DICER1: variants seen among roughly 807,000 people sequenced by gnomAD.
The protein encoded by DICER1 is endoribonuclease Dicer.
In DICER1, 43 loss-of-function variants were observed where a neutral mutation model predicts 194.1. That is an observed-to-expected ratio of 0.22 (90% CI 0.17 to 0.29). The LOEUF (loss-of-function observed/expected upper bound fraction) is 0.29, where lower values mean the gene tolerates loss of function less well. Ranked by LOEUF, DICER1 falls within the 10% of genes least tolerant of loss-of-function variation. The pLI is 1.00. For synonymous variants in DICER1, 832 were observed against 820.5 expected, an observed-to-expected ratio of 1.01 and a Z score of -0.24; for missense variants, 1,608 against 2,317.0, an observed-to-expected ratio of 0.69 and a Z score of 6.28.
At chr14:95,125,894 G>GA (rs1427304946) in intron 7 of DICER1, among the ~76,000 whole-genome samples, 2 of 151,784 alleles carry the variant, frequency 1.3e-5, no homozygotes, top group African/African-American at 4.8e-5. Flanking sequence ...AGGAAAGGAA[G>GA]AAAGAATGCA....
chr14:95,099,032 G>C (rs1365222094), intron 22 of DICER1, among the ~76,000 whole-genome samples: 1 of 152,172 alleles, frequency 6.6e-6, no homozygotes, highest in Non-Finnish European at 1.5e-5. Context: ...TAAAAATGAA[G>C]TAACAATGAG....
At chr14:95,095,730 T>C (rs1890244335) in intron 23 of DICER1, 95 bp downstream of exon 23, 7 of 1,305,008 alleles carry the variant, frequency 5.4e-6, no homozygotes, top group Admixed American at 1.9e-5. Flanking sequence ...GCATGAACAC[T>C]GTACATGCAT....
Position 95,105,241 on chromosome 14 carries a change from C to A in DICER1, c.3099G>T (p.Leu1033=), listed in dbSNP as rs768709390. The part of the protein sequence containing the change: ...KWESLQNKQI[L]VPELCAIHPI... The stretch of plus-strand genomic sequence containing the variant: ...GATGTATAGCACAGAGTTCTGGAAC[C>A]AGTATCTTCAAGTAAGGGGAAAAAT... The change falls in exon 20 of 27, where the codon CTG becomes CTT. Residue 1033 remains leucine (L), a synonymous_variant. Transcript: ENST00000343455. This position sits in a 1 kb window ranked among gnomAD's most constrained non-coding sequence, Gnocchi z 4.9. The A allele has an allele frequency of 7.4e-6, 12 of 1,612,908 alleles. No individual in the cohort carries two copies. The highest frequency in any genetic ancestry group is 9.3e-6 in the Non-Finnish European group (11 of 1,179,688).
At chr14:95,095,758 C>A in intron 23 of DICER1, 67 bp downstream of exon 23, 1 of 1,551,950 alleles carries the variant, frequency 6.4e-7, no homozygotes, top group Non-Finnish European at 8.8e-7. Context: ...TTTTACAAGG[C>A]CAACACGATG....
rs1224305767 is a variant in DICER1 at position 95,105,023 on chromosome 14, A to G, written c.3269+48T>C. ...TTAACTTAATTCTGTTCTTTTGCAA[A>G]CAGGATCTCATGATCTGTGTTCTTT... On this transcript the variant is annotated intron_variant, in intron 20 of 26. Coordinates refer to ENST00000343455, the MANE Select transcript of DICER1 (RefSeq NM_177438.3). The surrounding 1 kb of genome is among the most constrained non-coding windows in gnomAD (Gnocchi z 4.9). 3 of 1,570,294 alleles carry G rather than the reference A, an allele frequency of 1.9e-6. No homozygotes were observed. The highest frequency in any genetic ancestry group is 1.7e-5 in the Admixed American group (1 of 59,940).
intron 1 of DICER1, among the ~76,000 whole-genome samples, chr14:95,139,313 T>C (rs768463515): frequency 1.3e-5 from 2 of 152,242 alleles, no homozygotes; most frequent in African/African-American, 2.4e-5. Flanking sequence ...TAGACTAGAA[T>C]TTCCTTGGAT....
intron 7 of DICER1, among the ~76,000 whole-genome samples, chr14:95,126,032 G>A (rs1323442078): frequency 2.0e-5 from 3 of 152,002 alleles, no homozygotes; most frequent in African/African-American, 2.4e-5. Context: ...AGTGGTTCTC[G>A]AGCTTTAATG....
chr14:95,126,297 A>T (rs1043723277), intron 7 of DICER1, among the ~76,000 whole-genome samples: 1 of 152,220 alleles, frequency 6.6e-6, no homozygotes, highest in Non-Finnish European at 1.5e-5. Context: ...TCTTCTGACC[A>T]AAAAGAAACA....
chr14:95,087,255 TA>T lies in DICER1; in HGVS notation c.*3242del, dbSNP rs564907544. The T allele has an allele frequency of 2.1e-4, 50 of 233,270 alleles. No individual in the cohort carries two copies. The South Asian group carries it at 8.2e-3, about 38-fold the overall frequency. 14.5% of individuals were successfully genotyped at this position (233,270 alleles called of 1,614,324 possible). On this transcript the variant is annotated 3_prime_UTR_variant, in exon 27 of 27. Coordinates refer to ENST00000343455, the MANE Select transcript of DICER1 (RefSeq NM_177438.3). ...CTGAGGGCAAAGTATTATTAACAAA[TA>T]AAAATATCAGTATTTTAAAAGACAA...
chr14:95,149,978 T>C (rs1395755089), intron 1 of DICER1, among the ~76,000 whole-genome samples: 1 of 152,252 alleles, frequency 6.6e-6, no homozygotes, highest in African/African-American at 2.4e-5. Context: ...AGTGCAATGA[T>C]AATTTTGGTA....
rs1555366116 is a variant in DICER1, at chr14:95,091,117, C to G, written c.5528-8G>C. On this transcript the variant is annotated splice_region_variant and splice_polypyrimidine_tract_variant and intron_variant, in intron 25 of 26. Coordinates refer to ENST00000343455, the MANE Select transcript of DICER1 (RefSeq NM_177438.3). ...CATTTGCAGAAAACTTTTCTGCAATCAAAATGAAAGAATAATATGAATAAT... is the reference window on the plus strand; with the variant it reads ...CATTTGCAGAAAACTTTTCTGCAATGAAAATGAAAGAATAATATGAATAAT... The G allele has an allele frequency of 1.2e-6, 2 of 1,614,022 alleles. No homozygotes were observed. The highest frequency in any genetic ancestry group is 1.7e-4 in the Middle Eastern group (1 of 6,052).
At chr14:95,115,139 T>C (rs1277024423) in intron 11 of DICER1, among the ~76,000 whole-genome samples, 1 of 152,184 alleles carries the variant, frequency 6.6e-6, no homozygotes. Flanking sequence ...TGTTTCAAAA[T>C]AAAAGGTTAC....
intron 1 of DICER1, among the ~76,000 whole-genome samples, chr14:95,152,915 T>C (rs1895603940): frequency 6.6e-6 from 1 of 152,130 alleles, no homozygotes; most frequent in African/African-American, 2.4e-5. Flanking sequence ...CAACACACGT[T>C]CCTAAAGACT....
Position 95,124,143 on chromosome 14 carries a change from AAC to A in DICER1, c.1376+51_1376+52del, listed in dbSNP as rs1893177882. 7.3e-7 allele frequency: 1 copy of A among 1,370,064 alleles called. No individual in the cohort carries two copies. The highest frequency in any genetic ancestry group is 2.2e-4 in the Middle Eastern group (1 of 4,574). 84.9% of individuals were successfully genotyped at this position (1,370,064 alleles called of 1,614,324 possible). A position where few individuals can be genotyped will look rare whatever the true frequency, so the allele number is the denominator to read the frequency against. On this transcript the variant is annotated intron_variant, in intron 8 of 26. Coordinates refer to ENST00000343455, the MANE Select transcript of DICER1 (RefSeq NM_177438.3). The surrounding 1 kb of genome is among the most constrained non-coding windows in gnomAD (Gnocchi z 4.5). ...CAGCTGCTGCAGCGCATCACATCAC[AAC>A]ACAGGACGCCTCCCTGTTCTCATGT...
chr14:95,157,103 C>G (rs531331317), intron 1 of DICER1, 127 bp downstream of exon 1: 1 of 150,582 alleles, frequency 6.6e-6, no homozygotes, highest in African/African-American at 2.4e-5. Context: ...CGTCAGCGCC[C>G]GCCAGGCCCG....
chr14:95,148,619 T>C (rs1895298190), intron 1 of DICER1, among the ~76,000 whole-genome samples: 1 of 152,186 alleles, frequency 6.6e-6, no homozygotes, highest in African/African-American at 2.4e-5. Flanking sequence ...ATGCCTAAAA[T>C]TAGATTGGTC....
At chr14:95,125,451 T>G (rs1893325935) in intron 7 of DICER1, among the ~76,000 whole-genome samples, 1 of 145,480 alleles carries the variant, frequency 6.9e-6, no homozygotes, top group African/African-American at 2.6e-5. Context: ...CAACTCTAAT[T>G]GAGAGCCGAA....
intron 22 of DICER1, among the ~76,000 whole-genome samples, chr14:95,099,466 G>C (rs917171954): frequency 6.6e-6 from 1 of 151,966 alleles, no homozygotes; most frequent in Non-Finnish European, 1.5e-5. Context: ...TGTAATAACA[G>C]CAAAGTGAAA....
chr14:95,131,573 G>A lies in DICER1; in HGVS notation c.374C>T (p.Ser125Leu), dbSNP rs377669634. Residue 125 changes from serine to leucine, a missense_variant, in exon 4 of 27, where the codon TCA becomes TTA. Transcript: ENST00000343455. ...CCAAGATGCATTTACTTCTAGGTTT[G>A]AGTATTCCCCAACCTTGAGATCTGA... ...THSDLKVGEY[S>L]NLEVNASWTK... The A allele has an allele frequency of 2.5e-6, 4 of 1,612,984 alleles. No homozygotes were observed. Among genetic ancestry groups the A allele is most frequent in the African/African-American group, 1.3e-5 (1 of 74,870 alleles).
Sources: allele counts gnomAD v4.1 joint callset (sites outside exome capture counted in the v4.1 genomes callset), GRCh38; gene constraint gnomAD v4.1.1; non-coding constraint Gnocchi (gnomAD v3.1); transcripts MANE v1.5; gene names NCBI Gene and HGNC (gene_info 2026-07-23, HGNC 2026-07-21).